Variants in CLEC16A observed in about 807,000 individuals in gnomAD.
CLEC16A encodes the protein protein CLEC16A.
CLEC16A carries 51 observed loss-of-function variants against 109.5 expected under a neutral mutation model. The ratio of observed to expected loss-of-function variants is 0.47; its 90% CI spans 0.37 to 0.59. CLEC16A has a LOEUF of 0.59. Among genes scored for constraint, CLEC16A ranks in the 20% least tolerant of loss-of-function variants. The probability of loss-of-function intolerance (pLI) is 0.00; values close to 1 mark genes in which losing one functional copy is unlikely to be tolerated. For synonymous variants in CLEC16A, 673 were observed against 564.2 expected, an observed-to-expected ratio of 1.19 and a Z score of -2.73; for missense variants, 1,339 against 1,394.0, an observed-to-expected ratio of 0.96 and a Z score of 0.63.
intron 19 of CLEC16A, among the ~76,000 whole-genome samples, chr16:11,065,686 C>T (rs767388671): frequency 1.3e-5 from 2 of 152,216 alleles, no homozygotes; most frequent in Non-Finnish European, 2.9e-5. Context: ...GAGGAAAATC[C>T]TCATGGGCTG....
chr16:11,100,237 G>GT (rs1292679000), intron 19 of CLEC16A, among the ~76,000 whole-genome samples: 21 of 152,148 alleles, frequency 1.4e-4, no homozygotes, highest in South Asian at 6.2e-4. Flanking sequence ...GCAATTTGGA[G>GT]CCTGGGCTTT....
chr16:11,008,116 C>A (rs2045149709), intron 11 of CLEC16A, among the ~76,000 whole-genome samples: 1 of 152,200 alleles, frequency 6.6e-6, no homozygotes, highest in Non-Finnish European at 1.5e-5. Flanking sequence ...TCTTGAAATT[C>A]TGCTAAAAAG....
chr16:11,143,428 C>T (rs992294494), intron 22 of CLEC16A, among the ~76,000 whole-genome samples: 4 of 152,166 alleles, frequency 2.6e-5, no homozygotes, highest in African/African-American at 9.7e-5. Context: ...TGTACAGGGT[C>T]AGTCCAGTGG....
chr16:11,127,735 G>A (rs1179894142), intron 22 of CLEC16A, among the ~76,000 whole-genome samples: 1 of 152,128 alleles, frequency 6.6e-6, no homozygotes. Context: ...AGGCATGGTG[G>A]TGGGCACCTG....
At chr16:11,125,184 G>A (rs12935657) in intron 21 of CLEC16A, among the ~76,000 whole-genome samples, 28,155 of 152,138 alleles carry the variant, frequency 0.19, 3,265 homozygotes, top group Middle Eastern at 0.26. Flanking sequence ...TGTCGTCCCC[G>A]TCTCATTTCT....
At chr16:11,111,513 A>G (rs2153002812) in intron 19 of CLEC16A, among the ~76,000 whole-genome samples, 1 of 152,350 alleles carries the variant, frequency 6.6e-6, no homozygotes, top group Middle Eastern at 3.4e-3. Flanking sequence ...TTCAAGGAGA[A>G]GGGTAGACCC....
At position 11,087,170 on chromosome 16, in the gene CLEC16A, C is replaced by A. The variant is rs115336793; in HGVS notation, c.2116+26148C>A. Among the ~76,000 whole-genome samples the A allele has an allele frequency of 7.3e-3, 1,116 of 152,334 alleles. 13 individuals carry two copies. Among genetic ancestry groups the A allele is most frequent in the African/African-American group, 0.026 (1,078 of 41,564 alleles). ...TTGAGATAAAATTAGAAACCATTCA[C>A]GTAGGTGCCATCTAAAACCATCTTA... On this transcript the variant is annotated intron_variant, in intron 19 of 23. Transcript: ENST00000409790.
At chr16:11,153,811 C>T (rs895071134) in intron 22 of CLEC16A, among the ~76,000 whole-genome samples, 1 of 152,078 alleles carries the variant, frequency 6.6e-6, no homozygotes. Flanking sequence ...GTCAAAACTA[C>T]AAATGCATAA....
At chr16:11,068,619 G>T (rs1188043300) in intron 19 of CLEC16A, among the ~76,000 whole-genome samples, 1 of 152,124 alleles carries the variant, frequency 6.6e-6, no homozygotes, top group Admixed American at 6.5e-5. Flanking sequence ...ACAGTTGATG[G>T]CAGTTCCATG....
chr16:11,167,400 G>A (rs1035190537), intron 23 of CLEC16A, among the ~76,000 whole-genome samples: 9 of 152,248 alleles, frequency 5.9e-5, no homozygotes, highest in Admixed American at 1.3e-4. Flanking sequence ...CCCCTCCAGA[G>A]CCCTCACTCA....
intron 22 of CLEC16A, among the ~76,000 whole-genome samples, chr16:11,140,499 C>T (rs2053774212): frequency 6.6e-6 from 1 of 152,224 alleles, no homozygotes; most frequent in Admixed American, 6.5e-5. Flanking sequence ...AGTGGTCTAG[C>T]ATCTCAAAGC....
chr16:11,043,794 G>C (rs527504487), intron 15 of CLEC16A, among the ~76,000 whole-genome samples: 10 of 151,962 alleles, frequency 6.6e-5, no homozygotes, highest in Admixed American at 6.6e-4. Context: ...GAACCTGGGA[G>C]GCGGAGGTTG....
chr16:10,990,371 G>A lies in CLEC16A; in HGVS notation c.1071+7380G>A, dbSNP rs995065671. Among the ~76,000 whole-genome samples the A allele has an allele frequency of 3.9e-5, 6 of 152,194 alleles. No homozygotes were observed. In the South Asian group the frequency reaches 1.2e-3, roughly 32 times the overall value. ...GAGGTCCGGTACTAAGGAGCGTATC[G>A]TTGTCTGAGAAACAGTTGCGTCTCT... On this transcript the variant is annotated intron_variant, in intron 10 of 23. Transcript: ENST00000409790.
chr16:11,076,546 G>A (rs902140159), intron 19 of CLEC16A, among the ~76,000 whole-genome samples: 10 of 152,044 alleles, frequency 6.6e-5, no homozygotes, highest in African/African-American at 1.2e-4. Context: ...TGCATCACAC[G>A]CCCACCTTCC....
rs1011740317 is a variant in CLEC16A at position 10,944,918 on chromosome 16, G to A, written c.80+121G>A. ...GCGAAGGGCGCCCGGGGAAGCCCGT[G>A]TGGTGGTTAAGAGCGAGGGCTCGGG... On this transcript the variant is annotated intron_variant, in intron 1 of 23. Coordinates refer to ENST00000409790, the MANE Select transcript of CLEC16A (RefSeq NM_015226.3). 1.8e-5 allele frequency: 18 copies of A among 977,392 alleles called. No individual in the cohort carries two copies. The Admixed American group carries it at 3.1e-4, about 17-fold the overall frequency. The allele number at this position is 977,392 out of a possible 1,614,324, so 60.5% of individuals were successfully genotyped here.
intron 22 of CLEC16A, among the ~76,000 whole-genome samples, chr16:11,155,027 G>C (rs975326929): frequency 6.6e-6 from 1 of 152,198 alleles, no homozygotes; most frequent in African/African-American, 2.4e-5. Flanking sequence ...GGAGGCTGAG[G>C]TGGGAGGATC....
At chr16:11,143,194 T>C (rs2053917284) in intron 22 of CLEC16A, among the ~76,000 whole-genome samples, 1 of 152,198 alleles carries the variant, frequency 6.6e-6, no homozygotes, top group African/African-American at 2.4e-5. Flanking sequence ...TGCAGTCTTG[T>C]GAGAGTGACA....
intron 11 of CLEC16A, among the ~76,000 whole-genome samples, chr16:11,019,740 G>C (rs985461058): frequency 6.7e-6 from 1 of 148,278 alleles, no homozygotes; most frequent in Non-Finnish European, 1.5e-5. Context: ...CTGCCCTCCA[G>C]CCTGGGTGAC....
At chr16:11,127,766 AGGCTGAG>A (rs544028927) in intron 22 of CLEC16A, among the ~76,000 whole-genome samples, 1 of 152,164 alleles carries the variant, frequency 6.6e-6, no homozygotes, top group East Asian at 1.9e-4. Flanking sequence ...TACACTCAGG[AGGCTGAG>A]GTGGGAGGGT....
Sources: allele counts gnomAD v4.1 joint callset (sites outside exome capture counted in the v4.1 genomes callset), GRCh38; gene constraint gnomAD v4.1.1; transcripts MANE v1.5; gene names NCBI Gene and HGNC (gene_info 2026-07-23, HGNC 2026-07-21).